SND1: variants seen among roughly 807,000 people sequenced by gnomAD.
SND1 encodes staphylococcal nuclease domain-containing protein 1.
SND1 carries 38 observed loss-of-function variants against 121.7 expected under a neutral mutation model. The ratio of observed to expected loss-of-function variants is 0.31; its 90% CI spans 0.24 to 0.41. SND1 has a LOEUF of 0.41. SND1 is among the 10% of genes least tolerant of loss of function. The pLI, the probability that SND1 is intolerant of heterozygous loss-of-function variation, is 1.00. For synonymous variants in SND1, 401 were observed against 447.4 expected, an observed-to-expected ratio of 0.90 and a Z score of 1.31; for missense variants, 868 against 1,184.6, an observed-to-expected ratio of 0.73 and a Z score of 3.92.
chr7:127,783,064 A>C (rs1797751038), intron 10 of SND1, among the ~76,000 whole-genome samples: 1 of 152,228 alleles, frequency 6.6e-6, no homozygotes, highest in African/African-American at 2.4e-5. Context: ...AATTGGGGAC[A>C]GATATCAATT....
intron 12 of SND1, among the ~76,000 whole-genome samples, chr7:127,870,503 C>T (rs1026923057): frequency 5.9e-5 from 9 of 152,160 alleles, no homozygotes; most frequent in African/African-American, 1.9e-4. Flanking sequence ...CTACTACACA[C>T]AGAGGCTGTA....
intron 17 of SND1, among the ~76,000 whole-genome samples, chr7:128,075,580 C>A (rs536613258): frequency 2.0e-5 from 3 of 152,356 alleles, no homozygotes; most frequent in African/African-American, 7.2e-5. Context: ...CATCTCTTGT[C>A]CCCTTGGGAC....
At chr7:128,020,659 C>T (rs190664909) in intron 16 of SND1, among the ~76,000 whole-genome samples, 77 of 152,276 alleles carry the variant, frequency 5.1e-4, no homozygotes, top group Admixed American at 3.5e-3. Context: ...GATAACATAC[C>T]CAGAATGAGA....
chr7:127,889,691 C>G (rs1185265859), intron 13 of SND1, among the ~76,000 whole-genome samples: 1 of 151,968 alleles, frequency 6.6e-6, no homozygotes, highest in African/African-American at 2.4e-5. Flanking sequence ...CCCTCCCAGC[C>G]TTTGGTAACC....
At chr7:128,047,324 C>G (rs1021756690) in intron 16 of SND1, among the ~76,000 whole-genome samples, 1 of 152,222 alleles carries the variant, frequency 6.6e-6, no homozygotes, top group Admixed American at 6.5e-5. Flanking sequence ...ACTCAGTGGT[C>G]CCTTCCCTGC....
At chr7:127,835,945 A>G (rs1040693579) in intron 11 of SND1, among the ~76,000 whole-genome samples, 6 of 152,314 alleles carry the variant, frequency 3.9e-5, no homozygotes, top group Admixed American at 2.6e-4. Flanking sequence ...CACTACTTCT[A>G]GAAATCTTTG....
intron 10 of SND1, among the ~76,000 whole-genome samples, chr7:127,726,731 T>A (rs1011276300): frequency 6.6e-5 from 10 of 152,154 alleles, no homozygotes; most frequent in Non-Finnish European, 8.8e-5. Context: ...TGACTTATTC[T>A]CCCTGAAGTC....
intron 12 of SND1, among the ~76,000 whole-genome samples, chr7:127,849,235 T>G (rs1799122581): frequency 6.6e-6 from 1 of 152,208 alleles, no homozygotes; most frequent in African/African-American, 2.4e-5. Context: ...TAGTCGTCTA[T>G]GTAATTAGCT....
At chr7:128,084,612 T>C in intron 18 of SND1, 112 bp from the exon 19 acceptor site, 2 of 1,183,092 alleles carry the variant, frequency 1.7e-6, no homozygotes, top group Non-Finnish European at 2.3e-6. Flanking sequence ...AGTGCTGCAG[T>C]GCCCCCCAGA....
Position 127,844,415 on chromosome 7 carries a change from T to C in SND1, c.1334T>C (p.Ile445Thr), listed in dbSNP as rs1468005250. 2.5e-6 allele frequency: 4 copies of C among 1,612,722 alleles called. No homozygotes were observed. The highest frequency in any genetic ancestry group is 2.2e-5 in the East Asian group (1 of 44,864). The change falls in exon 12 of 24, where the codon ATT becomes ACT. Residue 445 changes from isoleucine to threonine, a missense_variant. Coordinates refer to ENST00000354725, the MANE Select transcript of SND1 (RefSeq NM_014390.4). ...FSERTCATVT[I>T]GGINIAEALV... ...GAGCGTACCTGTGCCACTGTCACCATTGGAGGAATGTGAGTGTTCTGGCTG... is the reference window on the plus strand; with the variant it reads ...GAGCGTACCTGTGCCACTGTCACCACTGGAGGAATGTGAGTGTTCTGGCTG...
At chr7:127,841,246 G>A (rs937481336) in intron 11 of SND1, among the ~76,000 whole-genome samples, 1 of 152,066 alleles carries the variant, frequency 6.6e-6, no homozygotes, top group Non-Finnish European at 1.5e-5. Flanking sequence ...GGAGGCACAA[G>A]GTAACCTTGA....
intron 16 of SND1, among the ~76,000 whole-genome samples, chr7:128,062,437 A>C (rs1793246682): frequency 6.6e-6 from 1 of 152,304 alleles, no homozygotes; most frequent in South Asian, 2.1e-4. Flanking sequence ...CCTTCCTTTC[A>C]CCCTCTGGTG....
chr7:127,812,751 C>T (rs1272442051), intron 11 of SND1, among the ~76,000 whole-genome samples: 1 of 152,192 alleles, frequency 6.6e-6, no homozygotes, highest in Non-Finnish European at 1.5e-5. Context: ...AGGAGGACTC[C>T]ACCCTTCTCC....
At chr7:128,064,702 C>T (rs777444037) in intron 16 of SND1, among the ~76,000 whole-genome samples, 4 of 152,142 alleles carry the variant, frequency 2.6e-5, no homozygotes, top group African/African-American at 9.7e-5. Context: ...GATGCAGGGA[C>T]TGTCTACAGC....
intron 14 of SND1, among the ~76,000 whole-genome samples, chr7:127,909,890 A>C (rs1366734516): frequency 6.6e-6 from 1 of 152,202 alleles, no homozygotes. Flanking sequence ...GAAGGATTGA[A>C]GTGTTCCTTT....
intron 12 of SND1, among the ~76,000 whole-genome samples, chr7:127,857,450 G>A (rs1156443674): frequency 8.2e-5 from 12 of 145,616 alleles, no homozygotes; most frequent in South Asian, 4.3e-4. Flanking sequence ...TGATCCGCCC[G>A]CCTCGCCCTC....
At chr7:127,931,336 A>C (rs906012280) in intron 15 of SND1, among the ~76,000 whole-genome samples, 1 of 152,234 alleles carries the variant, frequency 6.6e-6, no homozygotes, top group African/African-American at 2.4e-5. Context: ...GCCAAAGTCT[A>C]ATCCAGAGAA....
chr7:128,046,177 G>C (rs927123133), intron 16 of SND1, among the ~76,000 whole-genome samples: 3 of 152,170 alleles, frequency 2.0e-5, no homozygotes, highest in Admixed American at 1.3e-4. Context: ...GCTCACTGGA[G>C]CCTCAAACTC....
intron 22 of SND1, among the ~76,000 whole-genome samples, chr7:128,090,790 G>T (rs375572185): frequency 6.6e-6 from 1 of 152,008 alleles, no homozygotes; most frequent in African/African-American, 2.4e-5. Context: ...GTGGACTGCC[G>T]CTGTGTCTCA....
Sources: allele counts gnomAD v4.1 joint callset (sites outside exome capture counted in the v4.1 genomes callset), GRCh38; gene constraint gnomAD v4.1.1; transcripts MANE v1.5; gene names NCBI Gene and HGNC (gene_info 2026-07-23, HGNC 2026-07-21).